Variants in FREM3 observed in about 807,000 individuals in gnomAD.
FREM3 encodes the protein FRAS1 related extracellular matrix 3.
A neutral mutation model predicts 129.1 loss-of-function variants in FREM3; 105 were observed. The ratio of observed to expected loss-of-function variants is 0.81; its 90% CI spans 0.69 to 0.96. The LOEUF (loss-of-function observed/expected upper bound fraction) is 0.96, where lower values mean the gene tolerates loss of function less well. FREM3 is among the 40% of genes least tolerant of loss of function. The probability of loss-of-function intolerance (pLI) is 0.00; values close to 1 mark genes in which losing one functional copy is unlikely to be tolerated. For synonymous variants in FREM3, 1,014 were observed against 1,044.9 expected, an observed-to-expected ratio of 0.97 and a Z score of 0.57; for missense variants, 2,593 against 2,666.3, an observed-to-expected ratio of 0.97 and a Z score of 0.61.
At chr4:143,578,862 T>C (rs1461670400) in intron 7 of FREM3, among the ~76,000 whole-genome samples, 4 of 152,116 alleles carry the variant, frequency 2.6e-5, no homozygotes. Flanking sequence ...TAATGCATGA[T>C]TTAGAACTGG....
chr4:143,688,470 A>G (rs887625796), intron 2 of FREM3, among the ~76,000 whole-genome samples: 3 of 152,166 alleles, frequency 2.0e-5, no homozygotes, highest in Admixed American at 6.6e-5. Flanking sequence ...TACAAATTCA[A>G]TGCAATTCCC....
intron 2 of FREM3, among the ~76,000 whole-genome samples, chr4:143,660,983 G>A (rs1739705406): frequency 6.6e-6 from 1 of 152,106 alleles, no homozygotes; most frequent in African/African-American, 2.4e-5. Context: ...GGAGATTTTG[G>A]GTTGAGACAA....
chr4:143,689,893 A>G (rs1259035143), intron 2 of FREM3, among the ~76,000 whole-genome samples: 2 of 140,224 alleles, frequency 1.4e-5, no homozygotes, highest in African/African-American at 5.2e-5. Context: ...GAAGAGTGGG[A>G]GGGGGGCAAA....
chr4:143,660,997 G>A (rs1739706208), intron 2 of FREM3, among the ~76,000 whole-genome samples: 1 of 152,048 alleles, frequency 6.6e-6, no homozygotes, highest in Non-Finnish European at 1.5e-5. Flanking sequence ...GAGACAATGG[G>A]GTTTTCTAGA....
intron 5 of FREM3, among the ~76,000 whole-genome samples, chr4:143,615,334 T>C (rs573310484): frequency 8.5e-5 from 13 of 152,354 alleles, no homozygotes; most frequent in Admixed American, 8.5e-4. Flanking sequence ...AAACACACAA[T>C]TTTCTTTTAA....
At chr4:143,583,680 C>T (rs577490808) in intron 7 of FREM3, among the ~76,000 whole-genome samples, 4 of 151,712 alleles carry the variant, frequency 2.6e-5, no homozygotes, top group African/African-American at 2.4e-5. Context: ...AAAAGAATCT[C>T]AACCAAGAAT....
At chr4:143,667,419 A>G (rs1261282003) in intron 2 of FREM3, among the ~76,000 whole-genome samples, 5 of 152,182 alleles carry the variant, frequency 3.3e-5, no homozygotes, top group East Asian at 1.9e-4. Context: ...ATTAAATCAA[A>G]CTACTTTAAA....
At chr4:143,655,134 C>G (rs1489811867) in intron 2 of FREM3, among the ~76,000 whole-genome samples, 2 of 152,038 alleles carry the variant, frequency 1.3e-5, no homozygotes, top group East Asian at 3.9e-4. Context: ...GTCAGTAATC[C>G]CTTCCAGATA....
At chr4:143,625,786 G>T (rs1202588174) in intron 3 of FREM3, among the ~76,000 whole-genome samples, 1 of 152,242 alleles carries the variant, frequency 6.6e-6, no homozygotes, top group African/African-American at 2.4e-5. Context: ...AATTTTGGGA[G>T]AGGCAAACAG....
chr4:143,585,931 C>A lies in FREM3; in HGVS notation c.6091G>T (p.Val2031Phe). 6.5e-7 allele frequency: 1 copy of A among 1,537,518 alleles called. No individual in the cohort carries two copies. The highest frequency in any genetic ancestry group is 8.7e-7 in the Non-Finnish European group (1 of 1,146,968). ...HVNESARYVEVCVWRRGTDLS... is the reference protein window; with the variant it reads ...HVNESARYVEFCVWRRGTDLS... ...TCAGTGCCTCTTCTCCAAACACAAA[C>A]CTCCACGTAGCGAGCACTTTCATTG... The change falls in exon 7 of 8, where the codon GTT becomes TTT. Residue 2031 changes from valine (V) to phenylalanine (F), a missense_variant. Coordinates refer to ENST00000329798, the MANE Select transcript of FREM3 (RefSeq NM_001168235.2). This position sits in a 1 kb window ranked among gnomAD's most constrained non-coding sequence, Gnocchi z 4.2.
In FREM3 at chr4:143,684,460, G is replaced by A. The variant is rs1740318709; in HGVS notation, c.5275+8653C>T. ...CCACATCCATAGTAAAAGGCAGAGA[G>A]TACTACATCAAGGGAACACCCTGTG... On this transcript the variant is annotated intron_variant, in intron 2 of 7. Transcript: ENST00000329798. Among the ~76,000 whole-genome samples the A allele has an allele frequency of 2.6e-5, 4 of 152,190 alleles. No homozygotes were observed. In the South Asian group the frequency reaches 8.3e-4, roughly 31 times the overall value.
rs185779791 is a variant in FREM3 at position 143,648,600 on chromosome 4, T to C, written c.5276-20840A>G. On this transcript the variant is annotated intron_variant, in intron 2 of 7. Coordinates refer to ENST00000329798, the MANE Select transcript of FREM3 (RefSeq NM_001168235.2). Reference sequence around the variant, plus strand: ...TGGCTTTATAAGGGAATTTCCCCTTTGCTTGACGCTCACTTCTCCTTCCTG... The same window carrying C: ...TGGCTTTATAAGGGAATTTCCCCTTCGCTTGACGCTCACTTCTCCTTCCTG... Among the ~76,000 whole-genome samples, 10 of 152,374 alleles carry C rather than the reference T, an allele frequency of 6.6e-5. No individual in the cohort carries two copies. The East Asian group carries it at 1.9e-3, about 29-fold the overall frequency.
At chr4:143,656,353 G>T (rs906476589) in intron 2 of FREM3, among the ~76,000 whole-genome samples, 1 of 151,990 alleles carries the variant, frequency 6.6e-6, no homozygotes. Context: ...ACAGAAACTT[G>T]TTTACATGAA....
rs969720816 is a variant in FREM3, at chr4:143,700,274, G to A, written c.402C>T (p.Pro134=). The change falls in exon 1 of 8, where the codon CCC becomes CCT. Residue 134 remains proline, a synonymous_variant. Transcript: ENST00000329798. ...GCTGCAGCAGCACCCGGGCGCGTCC[G>A]GGGCTGTGGGAGCCGAAGTGAGTGT... ...VQYTHFGSHS[P]GRARVLLQLR... is the part of the protein sequence containing the mutation. The A allele has an allele frequency of 6.5e-7, 1 of 1,536,460 alleles. No homozygotes were observed.
chr4:143,627,230 A>T (rs969490412), intron 3 of FREM3, among the ~76,000 whole-genome samples: 4 of 152,214 alleles, frequency 2.6e-5, no homozygotes, highest in African/African-American at 7.2e-5. Context: ...ACAGTAATGG[A>T]TCATGTACTC....
chr4:143,660,995 G>A (rs1403149951), intron 2 of FREM3, among the ~76,000 whole-genome samples: 5 of 152,124 alleles, frequency 3.3e-5, no homozygotes, highest in African/African-American at 1.2e-4. Context: ...TTGAGACAAT[G>A]GGGTTTTCTA....
rs1256629755 is a variant in FREM3, at chr4:143,696,629, C to G, written c.4047G>C (p.Gly1349=). ...GCCTCTGTAGAAGCCCTTGTTGAGG[C>G]CCAGAATGGAGGACAAAACTGAGGC... ...DKSLSFVLHS[G]PQQGLLQRLR... is the part of the protein sequence containing the mutation. The change falls in exon 1 of 8, where the codon GGG becomes GGC. Residue 1349 remains glycine, a synonymous_variant. Transcript: ENST00000329798. 2 of 1,537,762 alleles carry G rather than the reference C, an allele frequency of 1.3e-6. No individual in the cohort carries two copies. Among genetic ancestry groups the G allele is most frequent in the South Asian group, 2.4e-5 (2 of 84,054 alleles).
chr4:143,675,505 T>C (rs1740098464), intron 2 of FREM3, among the ~76,000 whole-genome samples: 1 of 152,076 alleles, frequency 6.6e-6, no homozygotes, highest in Admixed American at 6.5e-5. Flanking sequence ...GCAAACACAT[T>C]CAAAAGCTAG....
chr4:143,662,912 CT>C, intron 2 of FREM3, among the ~76,000 whole-genome samples: 1 of 151,990 alleles, frequency 6.6e-6, no homozygotes, highest in East Asian at 1.9e-4. Context: ...CAACCCCTGC[CT>C]TTTTTTGTTT....
Sources: allele counts gnomAD v4.1 joint callset (sites outside exome capture counted in the v4.1 genomes callset), GRCh38; gene constraint gnomAD v4.1.1; non-coding constraint Gnocchi (gnomAD v3.1); transcripts MANE v1.5; gene names NCBI Gene and HGNC (gene_info 2026-07-23, HGNC 2026-07-21).